Variants in PUDP observed in about 807,000 individuals in gnomAD.
PUDP encodes pseudouridine 5'-phosphatase.
In PUDP, 8 loss-of-function variants were observed where a neutral mutation model predicts 9.4. That is an observed-to-expected ratio of 0.85 (90% CI 0.50 to 1.53). PUDP has a LOEUF of 1.53. Ranked by LOEUF, PUDP falls within the 40% of genes most tolerant of loss-of-function variation. The pLI, the probability that PUDP is intolerant of heterozygous loss-of-function variation, is 0.00. For missense variants in PUDP, 188 were observed against 189.7 expected, an observed-to-expected ratio of 0.99 and a Z score of 0.05; for synonymous variants, 99 against 80.7, an observed-to-expected ratio of 1.23 and a Z score of -1.22.
Position 6,932,943 on chromosome X carries a change from G to C in PUDP, c.*247+44190C>G, listed in dbSNP as rs1320776655. On this transcript the variant is annotated intron_variant and NMD_transcript_variant, in intron 3 of 3. Coordinates refer to the PUDP transcript ENST00000655425. ...GGGGCGCCCGCCATTGCCCAGGCTTGCTTAGGTAAACAAAGCAGCCGGGAA... is the reference window on the plus strand; with the variant it reads ...GGGGCGCCCGCCATTGCCCAGGCTTCCTTAGGTAAACAAAGCAGCCGGGAA... 2.0e-4 allele frequency among the ~76,000 whole-genome samples: 22 copies of C among 110,408 alleles called. No homozygotes were observed. In the East Asian group the frequency reaches 6.1e-3, roughly 31 times the overall value.
intron 3 of PUDP, among the ~76,000 whole-genome samples, chrX:6,874,181 A>G (rs956738084): frequency 4.5e-5 from 5 of 111,031 alleles, no homozygotes; most frequent in Non-Finnish European, 9.4e-5. Context: ...CTGAGCATGA[A>G]TCACAAATGC....
intron 1 of PUDP, among the ~76,000 whole-genome samples, chrX:6,718,200 C>T (rs1924622297): frequency 9.0e-6 from 1 of 111,555 alleles, no homozygotes; most frequent in Non-Finnish European, 1.9e-5. Flanking sequence ...TCTCAGAGAA[C>T]TAAAATTAAA....
downstream of PUDP, among the ~76,000 whole-genome samples, chrX:7,047,773 G>A (rs369259833): frequency 8.9e-6 from 1 of 112,767 alleles, no homozygotes; most frequent in East Asian, 2.8e-4. Context: ...GAAGAGTACA[G>A]TGCAGACTAC....
intron 3 of PUDP, among the ~76,000 whole-genome samples, chrX:6,822,297 T>C (rs1926354132): frequency 8.9e-6 from 1 of 112,173 alleles, no homozygotes; most frequent in Non-Finnish European, 1.9e-5. Flanking sequence ...ATGAAGAATC[T>C]GAAGACAGGT....
chrX:6,761,862 C>T (rs1268018661), intron 3 of PUDP, among the ~76,000 whole-genome samples: 1 of 111,273 alleles, frequency 9.0e-6, no homozygotes, highest in Non-Finnish European at 1.9e-5. Flanking sequence ...ATGAGAATAT[C>T]GTCAAGAAAA....
intron 3 of PUDP, among the ~76,000 whole-genome samples, chrX:6,749,195 G>A (rs1345885433): frequency 8.9e-6 from 1 of 112,258 alleles, no homozygotes; most frequent in Non-Finnish European, 1.9e-5. Flanking sequence ...TGGAGGACTT[G>A]AGACGAATTG....
chrX:6,872,199 A>G (rs1407533390), intron 3 of PUDP, among the ~76,000 whole-genome samples: 3 of 111,334 alleles, frequency 2.7e-5, no homozygotes, highest in Admixed American at 9.6e-5. Flanking sequence ...CATTCAGTCC[A>G]TACCTGCAGA....
intron 2 of PUDP, among the ~76,000 whole-genome samples, chrX:7,096,113 A>T (rs1187433936): frequency 8.9e-6 from 1 of 111,811 alleles, no homozygotes; most frequent in African/African-American, 3.3e-5. Flanking sequence ...ATCCCAAGGG[A>T]TGTCCAGCAT....
chrX:6,934,115 T>C (rs6638640), intron 3 of PUDP, among the ~76,000 whole-genome samples: 18,949 of 101,287 alleles, frequency 0.19, 1,835 homozygotes, highest in Admixed American at 0.31. Context: ...ACGTTCAGAT[T>C]CAGGAAATAC....
At chrX:6,706,748 C>T (rs769031456) in intron 1 of PUDP, among the ~76,000 whole-genome samples, 117 of 111,746 alleles carry the variant, frequency 1.0e-3, no homozygotes, top group African/African-American at 3.6e-3. Flanking sequence ...AAAAGCAAAA[C>T]AAATTTTGCC....
At chrX:7,077,173 T>C in intron 3 of PUDP, 47 bp downstream of exon 3, 1 of 1,161,831 alleles carries the variant, frequency 8.6e-7, no homozygotes, top group Non-Finnish European at 1.1e-6. Context: ...TATTATTTGG[T>C]GGAACATGGT....
At chrX:6,885,183 A>G (rs1237882554) in intron 3 of PUDP, among the ~76,000 whole-genome samples, 2 of 111,927 alleles carry the variant, frequency 1.8e-5, no homozygotes, top group African/African-American at 6.5e-5. Context: ...CTTAGAGTCC[A>G]AGTCAATGAA....
At chrX:7,003,852 T>A (rs1448839351) in intron 1 of PUDP, among the ~76,000 whole-genome samples, 1 of 111,706 alleles carries the variant, frequency 9.0e-6, no homozygotes. Flanking sequence ...TGACATTTTT[T>A]TAATGATGTC....
chrX:6,714,537 GATGATATATAGAT>G (rs1924573369), intron 1 of PUDP, among the ~76,000 whole-genome samples: 1 of 107,662 alleles, frequency 9.3e-6, no homozygotes, highest in African/African-American at 3.4e-5. Context: ...GGAGATGATA[GATGATATATAGAT>G]ATGATAGATA....
chrX:6,991,401 G>A (rs372828540), intron 1 of PUDP, among the ~76,000 whole-genome samples: 47 of 110,624 alleles, frequency 4.2e-4, no homozygotes, highest in African/African-American at 1.5e-3. Context: ...TTTAAATATT[G>A]GGTATAGTGG....
intron 2 of PUDP, among the ~76,000 whole-genome samples, chrX:7,090,768 T>C (rs1316638279): frequency 9.0e-6 from 1 of 111,413 alleles, no homozygotes; most frequent in Non-Finnish European, 1.9e-5. Context: ...GCTCCTGTGT[T>C]GTCACAATGA....
intron 1 of PUDP, among the ~76,000 whole-genome samples, chrX:7,036,511 G>C (rs1275508577): frequency 3.6e-5 from 4 of 110,722 alleles, no homozygotes; most frequent in Non-Finnish European, 7.6e-5. Flanking sequence ...ATAGATATTT[G>C]ATCTCTTCCC....
chrX:6,887,244 T>C (rs970406894), intron 3 of PUDP, among the ~76,000 whole-genome samples: 3 of 107,128 alleles, frequency 2.8e-5, no homozygotes, highest in East Asian at 2.8e-4. Context: ...ATATCTATTA[T>C]ATATTAATTA....
intron 3 of PUDP, among the ~76,000 whole-genome samples, chrX:6,855,632 A>C (rs1926893800): frequency 8.9e-6 from 1 of 112,187 alleles, no homozygotes; most frequent in Admixed American, 9.5e-5. Flanking sequence ...ATTTTAAAAA[A>C]TGTAGTCGGG....
Sources: gnomAD v4.1 joint callset for allele counts (sites outside exome capture counted in the v4.1 genomes callset) on GRCh38, gnomAD v4.1.1 for gene constraint, MANE v1.5 for transcripts, NCBI Gene and HGNC (gene_info 2026-07-23, HGNC 2026-07-21) for gene names.